The following FARS2 variants were observed in gnomAD, a reference collection of about 807,000 sequenced individuals.
FARS2 encodes the protein phenylalanyl-tRNA synthetase 2, mitochondrial, also known as phenylalanine--tRNA ligase, mitochondrial.
Under a neutral mutation model 46.4 loss-of-function variants are expected in FARS2, and 40 were observed. That is an observed-to-expected ratio of 0.86 (90% confidence interval 0.67 to 1.12). The LOEUF (loss-of-function observed/expected upper bound fraction) is 1.12, where lower values mean the gene tolerates loss of function less well. Among genes scored for constraint, FARS2 ranks in the 50% most tolerant of loss-of-function variants. The pLI, the probability that FARS2 is intolerant of heterozygous loss-of-function variation, is 0.00. For missense variants in FARS2, 513 were observed against 567.9 expected, an observed-to-expected ratio of 0.90 and a Z score of 0.98; for synonymous variants, 234 against 214.9, an observed-to-expected ratio of 1.09 and a Z score of -0.78.
At chr6:5,577,900 C>G (rs1302037644) in intron 5 of FARS2, among the ~76,000 whole-genome samples, 1 of 152,118 alleles carries the variant, frequency 6.6e-6, no homozygotes, top group Non-Finnish European at 1.5e-5. Flanking sequence ...CTCCCGGGTT[C>G]ACGCCATTCT....
At chr6:5,475,177 T>C (rs975837213) in intron 4 of FARS2, among the ~76,000 whole-genome samples, 1 of 152,224 alleles carries the variant, frequency 6.6e-6, no homozygotes, top group African/African-American at 2.4e-5. Context: ...TTGTGGCATC[T>C]GACTTAGTCT....
At chr6:5,755,851 C>G (rs1762175692) in intron 6 of FARS2, among the ~76,000 whole-genome samples, 1 of 152,180 alleles carries the variant, frequency 6.6e-6, no homozygotes, top group South Asian at 2.1e-4. Context: ...AATTTCTCAG[C>G]TTGAGGGTCT....
At chr6:5,327,394 C>T (rs1289124394) in intron 1 of FARS2, among the ~76,000 whole-genome samples, 1 of 152,106 alleles carries the variant, frequency 6.6e-6, no homozygotes, top group African/African-American at 2.4e-5. Context: ...AAATCTCATC[C>T]CTAATTGTAG....
At chr6:5,260,880 G>A (rs941066493), upstream of FARS2, 7 of 1,428,098 alleles carry the variant, frequency 4.9e-6, no homozygotes, top group Middle Eastern at 2.6e-4. Context: ...AAGCCTAAGC[G>A]GGCAGCCCTG....
intron 6 of FARS2, among the ~76,000 whole-genome samples, chr6:5,751,037 G>A (rs985470028): frequency 5.9e-5 from 9 of 152,192 alleles, no homozygotes; most frequent in Non-Finnish European, 8.8e-5. Flanking sequence ...GGGCTGGGCC[G>A]GAATCCTAAC....
chr6:5,442,256 T>G lies in FARS2; in HGVS notation c.904+11084T>G, dbSNP rs193230430. Among the ~76,000 whole-genome samples, 3 of 152,294 alleles carry G rather than the reference T, an allele frequency of 2.0e-5. No homozygotes were observed. In the East Asian group the frequency reaches 5.8e-4, roughly 29 times the overall value. On this transcript the variant is annotated intron_variant, in intron 4 of 6. Coordinates refer to ENST00000274680, the MANE Select transcript of FARS2 (RefSeq NM_006567.5). ...TTCATTTTTGGGTGAGGCTCATTTC[T>G]GTCTTCTAAAACTGGCAGGAATTCT... is the stretch of plus-strand genomic sequence containing the variant.
intron 4 of FARS2, among the ~76,000 whole-genome samples, chr6:5,449,367 G>GA (rs1171170818): frequency 3.5e-5 from 3 of 85,812 alleles, no homozygotes; most frequent in Non-Finnish European, 7.3e-5. Flanking sequence ...AAAAAAAAAA[G>GA]AAAAAAAAGA....
chr6:5,313,405 G>A (rs1289869259), intron 1 of FARS2, among the ~76,000 whole-genome samples: 4 of 152,146 alleles, frequency 2.6e-5, no homozygotes, highest in Admixed American at 2.0e-4. Context: ...GCTCATTGAC[G>A]CAGGGCCGTT....
chr6:5,744,383 G>A (rs1231042033), intron 6 of FARS2, among the ~76,000 whole-genome samples: 1 of 152,192 alleles, frequency 6.6e-6, no homozygotes, highest in Non-Finnish European at 1.5e-5. Flanking sequence ...CAGTATGTTC[G>A]CATTGGTAAC....
intron 6 of FARS2, among the ~76,000 whole-genome samples, chr6:5,768,714 A>G (rs1053364603): frequency 4.6e-5 from 7 of 152,096 alleles, no homozygotes; most frequent in Non-Finnish European, 1.0e-4. Flanking sequence ...TTTGATTTGC[A>G]TTTCCCTGAT....
At chr6:5,743,124 C>T (rs1167993914) in intron 6 of FARS2, among the ~76,000 whole-genome samples, 1 of 152,160 alleles carries the variant, frequency 6.6e-6, no homozygotes, top group African/African-American at 2.4e-5. Context: ...TTGAAAATCC[C>T]TCCCGGCTGT....
chr6:5,722,954 C>G lies in FARS2; in HGVS notation c.1218-48337C>G, dbSNP rs151032948. On this transcript the variant is annotated intron_variant, in intron 6 of 6. Coordinates refer to ENST00000274680, the MANE Select transcript of FARS2 (RefSeq NM_006567.5). ...TTATAAAATAAACAACTTACTAAAACCTCAGAGCTATCTACAAAGGAAGTC... is the reference window on the plus strand; with the variant it reads ...TTATAAAATAAACAACTTACTAAAAGCTCAGAGCTATCTACAAAGGAAGTC... 2.0e-5 allele frequency among the ~76,000 whole-genome samples: 3 copies of G among 152,292 alleles called. No homozygotes were observed. The East Asian group carries it at 5.8e-4, about 29-fold the overall frequency.
intron 6 of FARS2, among the ~76,000 whole-genome samples, chr6:5,733,859 C>T (rs1231036616): frequency 6.6e-6 from 1 of 152,222 alleles, no homozygotes; most frequent in Non-Finnish European, 1.5e-5. Flanking sequence ...TGTGAAATCA[C>T]TAGCCTCTCT....
intron 4 of FARS2, among the ~76,000 whole-genome samples, chr6:5,537,889 A>T (rs1278678760): frequency 2.6e-5 from 4 of 151,182 alleles, no homozygotes; most frequent in Non-Finnish European, 5.9e-5. Context: ...CTTTTTTTTT[A>T]AAGTTTCCCT....
At chr6:5,457,619 T>C (rs749425099) in intron 4 of FARS2, among the ~76,000 whole-genome samples, 2 of 152,256 alleles carry the variant, frequency 1.3e-5, no homozygotes, top group Non-Finnish European at 2.9e-5. Flanking sequence ...TATTTATTTT[T>C]TAATCTCCTA....
chr6:5,456,733 A>AAAAAAG (rs1764901197), intron 4 of FARS2, among the ~76,000 whole-genome samples: 1 of 147,956 alleles, frequency 6.8e-6, no homozygotes, highest in Non-Finnish European at 1.5e-5. Flanking sequence ...TCCATCTCAA[A>AAAAAAG]AAAAAAAAAA....
chr6:5,759,675 G>A (rs1438654107), intron 6 of FARS2, among the ~76,000 whole-genome samples: 2 of 152,140 alleles, frequency 1.3e-5, no homozygotes, highest in Admixed American at 6.6e-5. Flanking sequence ...TGCCAAAAAC[G>A]GGTAGAGGAG....
At chr6:5,666,040 G>A (rs79376994) in intron 6 of FARS2, among the ~76,000 whole-genome samples, 2,289 of 152,272 alleles carry the variant, frequency 0.015, 49 homozygotes, top group African/African-American at 0.049. Context: ...GGCAGGATCT[G>A]GAGGGAGGAA....
intron 6 of FARS2, among the ~76,000 whole-genome samples, chr6:5,626,557 G>A (rs1233354303): frequency 1.3e-5 from 2 of 152,064 alleles, no homozygotes; most frequent in Non-Finnish European, 2.9e-5. Flanking sequence ...TTTGAGCCCC[G>A]CCTTTCTACC....
Sources: gnomAD v4.1 joint callset for allele counts (sites outside exome capture counted in the v4.1 genomes callset) on GRCh38, gnomAD v4.1.1 for gene constraint, MANE v1.5 for transcripts, NCBI Gene and HGNC (gene_info 2026-07-23, HGNC 2026-07-21) for gene names.